CEP128: variants seen among roughly 807,000 people sequenced by gnomAD.
The protein encoded by CEP128 is centrosomal protein 128kDa.
In CEP128, 132 loss-of-function variants were observed where a neutral mutation model predicts 156.7. The ratio of observed to expected loss-of-function variants is 0.84; its 90% CI spans 0.73 to 0.97. The LOEUF is 0.97. Ranked by LOEUF, CEP128 falls within the 50% of genes least tolerant of loss-of-function variation. The pLI is 0.00. For synonymous variants in CEP128, 469 were observed against 448.9 expected (o/e 1.04, Z -0.57); for missense variants, 1,252 against 1,281.9 (o/e 0.98, Z 0.36).
intron 8 of CEP128, among the ~76,000 whole-genome samples, 188 bp downstream of exon 8, chr14:80,895,514 AATAAATATACCTAAAT>A (rs1309091456): frequency 1.4e-4 from 21 of 152,272 alleles, no homozygotes; most frequent in South Asian, 6.2e-4. Context: ...ATAAATACCA[AATAAATATACCTAAAT>A]ATAAATATAC....
At chr14:80,951,901 A>G (rs982310625) in intron 2 of CEP128, among the ~76,000 whole-genome samples, 1 of 152,122 alleles carries the variant, frequency 6.6e-6, no homozygotes, top group Admixed American at 6.5e-5. Flanking sequence ...CAAGGTATAA[A>G]GAAGGCCATT....
At chr14:80,842,919 G>A (rs1886411936) in intron 9 of CEP128, among the ~76,000 whole-genome samples, 1 of 151,756 alleles carries the variant, frequency 6.6e-6, no homozygotes, top group South Asian at 2.1e-4. Flanking sequence ...GAGGGTCCCC[G>A]GGGCACATTT....
chr14:80,709,146 GT>G (rs200445461), intron 19 of CEP128, among the ~76,000 whole-genome samples: 18 of 146,742 alleles, frequency 1.2e-4, no homozygotes, highest in African/African-American at 2.5e-4. Context: ...TAGGGTTTTT[GT>G]TTTTTTTTTG....
At chr14:80,542,653 C>A (rs992772152) in intron 21 of CEP128, among the ~76,000 whole-genome samples, 1 of 152,084 alleles carries the variant, frequency 6.6e-6, no homozygotes, top group African/African-American at 2.4e-5. Context: ...AGGAGCTTGG[C>A]CCTGCTGGAC....
chr14:80,804,759 ATTTAGAGATGCT>A (rs1488256250), intron 13 of CEP128, among the ~76,000 whole-genome samples: 1 of 152,160 alleles, frequency 6.6e-6, no homozygotes, highest in Non-Finnish European at 1.5e-5. Context: ...AGTTAATTGC[ATTTAGAGATGCT>A]TTAGTTTTAA....
At chr14:80,553,734 T>C (rs1165995466) in intron 21 of CEP128, among the ~76,000 whole-genome samples, 2 of 152,234 alleles carry the variant, frequency 1.3e-5, no homozygotes, top group Non-Finnish European at 1.5e-5. Context: ...TTCTCAGTAA[T>C]TGTTGCTTGG....
In CEP128 at chr14:80,708,144, C is replaced by T. The variant is rs148098512; in HGVS notation, c.2806+34931G>A. On this transcript the variant is annotated intron_variant, in intron 19 of 24. Coordinates refer to ENST00000555265, the MANE Select transcript of CEP128 (RefSeq NM_152446.5). ...TCCCCTATGGACATTTGGTTATTTC[C>T]AGTATTTGCTATTAAAGATAGTGCC... Among the ~76,000 whole-genome samples the T allele has an allele frequency of 5.5e-4, 84 of 152,026 alleles. 1 individual carries two copies. The highest frequency in any genetic ancestry group is 3.4e-3 in the Middle Eastern group (1 of 294).
At chr14:80,695,378 A>G (rs1379220906) in intron 19 of CEP128, among the ~76,000 whole-genome samples, 4 of 152,190 alleles carry the variant, frequency 2.6e-5, no homozygotes, top group Admixed American at 2.6e-4. Context: ...TGAAGATGAA[A>G]TGTGAAGCAG....
chr14:80,873,395 T>C (rs1271403026), intron 8 of CEP128, among the ~76,000 whole-genome samples: 1 of 152,212 alleles, frequency 6.6e-6, no homozygotes, highest in African/African-American at 2.4e-5. Flanking sequence ...AGATAATACT[T>C]ACTAGTTTTA....
chr14:80,760,937 C>A (rs1395905896), intron 17 of CEP128, among the ~76,000 whole-genome samples: 1 of 152,082 alleles, frequency 6.6e-6, no homozygotes, highest in Admixed American at 6.5e-5. Flanking sequence ...AGCATTTAAC[C>A]AGATGTACAG....
At chr14:80,763,480 G>C (rs532873493) in intron 16 of CEP128, among the ~76,000 whole-genome samples, 7 of 152,158 alleles carry the variant, frequency 4.6e-5, no homozygotes, top group African/African-American at 1.7e-4. Context: ...TTATTACTAA[G>C]TCTCTAGGTG....
At chr14:80,762,277 TAC>T (rs1900009546) in intron 16 of CEP128, among the ~76,000 whole-genome samples, 1 of 86,538 alleles carries the variant, frequency 1.2e-5, no homozygotes, top group Non-Finnish European at 2.9e-5. Context: ...ATTATGATTA[TAC>T]AGTTACATTA....
chr14:80,613,233 A>T (rs1362547858), intron 19 of CEP128, among the ~76,000 whole-genome samples: 1 of 150,878 alleles, frequency 6.6e-6, no homozygotes, highest in Admixed American at 6.6e-5. Flanking sequence ...ATGTTATTTA[A>T]ATCACTAGGA....
At chr14:80,570,649 A>G (rs188859067) in intron 20 of CEP128, among the ~76,000 whole-genome samples, 180 of 152,026 alleles carry the variant, frequency 1.2e-3, no homozygotes, top group African/African-American at 4.3e-3. Flanking sequence ...GTGTGTGTGT[A>G]TTTTTTCTAC....
intron 20 of CEP128, among the ~76,000 whole-genome samples, chr14:80,561,149 A>C (rs1566780604): frequency 6.6e-6 from 1 of 152,210 alleles, no homozygotes; most frequent in East Asian, 1.9e-4. Context: ...ACTGGGAAAC[A>C]GTTGCACATT....
At chr14:80,543,524 T>A (rs534819946) in intron 21 of CEP128, among the ~76,000 whole-genome samples, 3 of 152,344 alleles carry the variant, frequency 2.0e-5, no homozygotes, top group African/African-American at 7.2e-5. Flanking sequence ...GGAGTACATG[T>A]GAGCACAAGT....
intron 21 of CEP128, among the ~76,000 whole-genome samples, chr14:80,554,815 T>C (rs916867226): frequency 6.6e-6 from 1 of 152,122 alleles, no homozygotes; most frequent in Non-Finnish European, 1.5e-5. Context: ...TTTCAGTCTT[T>C]ATTTTTCCCT....
intron 19 of CEP128, among the ~76,000 whole-genome samples, chr14:80,732,212 A>G (rs989846140): frequency 4.6e-5 from 7 of 152,232 alleles, no homozygotes; most frequent in African/African-American, 1.7e-4. Context: ...AAACAGCAAT[A>G]AGTGGCAAAT....
At chr14:80,703,100 G>A (rs981342382) in intron 19 of CEP128, among the ~76,000 whole-genome samples, 6 of 152,028 alleles carry the variant, frequency 3.9e-5, no homozygotes, top group African/African-American at 1.4e-4. Context: ...AGATGAGGTA[G>A]GAAAAAGAAG....
Sources: gnomAD v4.1 joint callset for allele counts (sites outside exome capture counted in the v4.1 genomes callset) on GRCh38, gnomAD v4.1.1 for gene constraint, MANE v1.5 for transcripts, NCBI Gene and HGNC (gene_info 2026-07-23, HGNC 2026-07-21) for gene names.